ABCA7: variants seen among roughly 807,000 people sequenced by gnomAD.
ABCA7 encodes the protein ATP binding cassette subfamily A member 7, also known as phospholipid-transporting ATPase ABCA7.
ABCA7 carries 261 observed loss-of-function variants against 227.6 expected under a neutral mutation model. The observed-to-expected ratio is 1.15, with a 90% CI of 1.04 to 1.27. ABCA7 has a LOEUF of 1.27. Among genes scored for constraint, ABCA7 ranks in the 50% most tolerant of loss-of-function variants. ABCA7 has a pLI of 0.00. For missense variants in ABCA7, 3,331 were observed against 2,924.5 expected, an observed-to-expected ratio of 1.14 and a Z score of -3.21; for synonymous variants, 1,488 against 1,279.7, an observed-to-expected ratio of 1.16 and a Z score of -3.47.
Position 1,043,400 on chromosome 19 carries a change from G to C in ABCA7, c.857G>C (p.Arg286Pro), listed in dbSNP as rs370131491. ...CCGCTGTCCCGCCTGCTCTGGAGACGCCTGAAGCCTCTGATCCTCGGGAAG... is the reference window on the plus strand; with the variant it reads ...CCGCTGTCCCGCCTGCTCTGGAGACCCCTGAAGCCTCTGATCCTCGGGAAG... The part of the protein sequence containing the change: ...SHPLSRLLWR[R>P]LKPLILGKLL... The change falls in exon 9 of 47, where the codon CGC (arginine) becomes CCC (proline). Residue 286 changes from arginine (R) to proline (P), a missense_variant. Physicochemically the swap from Arg to Pro is moderately radical, Grantham distance 103. Coordinates refer to ENST00000263094, the MANE Select transcript of ABCA7 (RefSeq NM_019112.4). The C allele has an allele frequency of 1.2e-6, 2 of 1,613,204 alleles. No individual in the cohort carries two copies. The highest frequency in any genetic ancestry group is 1.7e-5 in the Admixed American group (1 of 60,008).
chr19:1,041,973 G>C lies in ABCA7; in HGVS notation c.302+1G>C. On this transcript the variant is annotated splice_donor_variant, in intron 4 of 46. Transcript: ENST00000263094. LOFTEE classifies it high-confidence loss of function. ...GCCTGAGCAACTTCAACGACTCCCTGTGAGCCAGAGGCAGTGGGTGCGGCC... is the reference window on the plus strand; with the variant it reads ...GCCTGAGCAACTTCAACGACTCCCTCTGAGCCAGAGGCAGTGGGTGCGGCC... 1 of 1,583,100 alleles carries C rather than the reference G, an allele frequency of 6.3e-7. No individual in the cohort carries two copies. The highest frequency in any genetic ancestry group is 8.5e-7 in the Non-Finnish European group (1 of 1,170,522).
At position 1,043,347 on chromosome 19, in the gene ABCA7, G is replaced by A. The variant is rs372219352; in HGVS notation, c.804G>A (p.Ser268=). 46 of 1,613,104 alleles carry A rather than the reference G, an allele frequency of 2.9e-5. No individual in the cohort carries two copies. Among genetic ancestry groups the A allele is most frequent in the African/African-American group, 2.5e-4 (19 of 75,040 alleles). ...LPDSSLSPAC[S]ELIGALDSHP... ...CCCCCATCCCAGGCCCCGCCTGCTCGGAGCTGATTGGAGCCCTGGACAGCC... is the reference window on the plus strand; with the variant it reads ...CCCCCATCCCAGGCCCCGCCTGCTCAGAGCTGATTGGAGCCCTGGACAGCC... Residue 268 remains serine, a synonymous_variant, in exon 9 of 47, where the codon TCG becomes TCA. Coordinates refer to ENST00000263094, the MANE Select transcript of ABCA7 (RefSeq NM_019112.4).
At position 1,063,680 on chromosome 19, in the gene ABCA7, T is replaced by C. The variant is rs2042837935; in HGVS notation, c.5847+2T>C. ...GGGGACCCAGCCGTGGTGTTTCTGG[T>C]GCGTGGGAGCGGTGCCTGGGTGGGG... On this transcript the variant is annotated splice_donor_variant, in intron 43 of 46. Coordinates refer to ENST00000263094, the MANE Select transcript of ABCA7 (RefSeq NM_019112.4). LOFTEE classifies it high-confidence loss of function. 6.3e-7 allele frequency: 1 copy of C among 1,593,496 alleles called. No homozygotes were observed. Among genetic ancestry groups the C allele is most frequent in the African/African-American group, 1.3e-5 (1 of 74,648 alleles).
Position 1,057,013 on chromosome 19 carries a change from G to C in ABCA7, c.4693G>C (p.Ala1565Pro), listed in dbSNP as rs1004087078. The change falls in exon 34 of 47, where the codon GCC becomes CCC. Residue 1565 changes from alanine (A) to proline (P), a missense_variant. By Grantham distance (27) the Ala-to-Pro change is conservative. Transcript: ENST00000263094. The stretch of plus-strand genomic sequence containing the variant: ...CCTCATTGAGGAGCGAGTCACCCGA[G>C]CCAAGCACCTGCAGCTCATGGGGGG... ...LVLIEERVTR[A>P]KHLQLMGGLS... 6.2e-7 allele frequency: 1 copy of C among 1,613,746 alleles called. No individual in the cohort carries two copies. The highest frequency in any genetic ancestry group is 1.3e-5 in the African/African-American group (1 of 74,932).
In ABCA7 at chr19:1,064,170, G is replaced by T. The variant is rs761734464; in HGVS notation, c.5961G>T (p.Glu1987Asp). ...SVMLTSHSME[E>D]CEALCSRLAI... ...TGCCGGGTCCCGACAGCATGGAGGAGTGTGAAGCGCTCTGCTCGCGCCTGG... is the reference window on the plus strand; with the variant it reads ...TGCCGGGTCCCGACAGCATGGAGGATTGTGAAGCGCTCTGCTCGCGCCTGG... The change falls in exon 45 of 47, where the codon GAG becomes GAT. Residue 1987 changes from glutamate to aspartate, a missense_variant. Glu to Asp is a conservative substitution (Grantham distance 45, BLOSUM62 2). Transcript: ENST00000263094. 1.3e-6 allele frequency: 2 copies of T among 1,573,092 alleles called. No homozygotes were observed. The highest frequency in any genetic ancestry group is 4.7e-5 in the East Asian group (2 of 42,398).
intron 21 of ABCA7, 53 bp from the exon 22 acceptor site, chr19:1,051,889 G>T (rs967773577): frequency 1.3e-6 from 2 of 1,587,876 alleles, no homozygotes; most frequent in East Asian, 2.2e-5. Flanking sequence ...GCCCCAGCTC[G>T]GGCAAAGACG....
chr19:1,048,051 C>T (rs560826137), intron 16 of ABCA7, among the ~76,000 whole-genome samples: 43 of 151,754 alleles, frequency 2.8e-4, no homozygotes, highest in Admixed American at 2.7e-3. Flanking sequence ...CGTGGTGGCA[C>T]GCTGGGCGTG....
intron 44 of ABCA7, 116 bp downstream of exon 44, chr19:1,063,979 G>C: frequency 1.5e-6 from 2 of 1,378,292 alleles, no homozygotes; most frequent in Non-Finnish European, 1.9e-6. Context: ...GGGCGAGGGC[G>C]CCAGGCCCCG....
Position 1,054,863 on chromosome 19 carries a change from A to G in ABCA7, c.3935A>G (p.Gln1312Arg). Residue 1312 changes from glutamine (Q) to arginine (R), a missense_variant, in exon 29 of 47, where the codon CAG becomes CGG. Transcript: ENST00000263094. The surrounding 1 kb of genome is among the most constrained non-coding windows in gnomAD (Gnocchi z 4.8). ...QEAGLEEPPV[Q>R]HSSHRFSAPE... The stretch of plus-strand genomic sequence containing the variant: ...GCAGGACTGGAGGAGCCCCCAGTGC[A>G]GCATAGCTCCCACAGGTGAGGCGTC... 1.3e-6 allele frequency: 2 copies of G among 1,560,376 alleles called. No individual in the cohort carries two copies. Among genetic ancestry groups the G allele is most frequent in the Non-Finnish European group, 8.7e-7 (1 of 1,152,774 alleles).
chr19:1,058,176 C>T lies in ABCA7; in HGVS notation c.5056C>T (p.Gln1686Ter). 2 of 1,613,854 alleles carry T rather than the reference C, an allele frequency of 1.2e-6. No individual in the cohort carries two copies. Among genetic ancestry groups the T allele is most frequent in the South Asian group, 1.1e-5 (1 of 91,074 alleles). ...GCAGGAGGTGAGCCGGATCTTGAAA[C>T]AGGTCTTCCTTATCTTCCCCCACTT... The part of the protein sequence containing the change: ...KLQEVSRILK[Q>*]VFLIFPHFCL... The change falls in exon 37 of 47, where the codon CAG (glutamine) becomes TAG (stop). Residue 1686 changes from glutamine (Q) to a stop codon, truncating the protein, a stop_gained. Transcript: ENST00000263094. LOFTEE classifies it high-confidence loss of function.
Position 1,056,439 on chromosome 19 carries a change from G to A in ABCA7, c.4526G>A (p.Ser1509Asn). The change falls in exon 33 of 47, where the codon AGC becomes AAC. Residue 1509 changes from serine to asparagine, a missense_variant. Transcript: ENST00000263094. This position sits in a 1 kb window ranked among gnomAD's most constrained non-coding sequence, Gnocchi z 4.3. ...LPPGPARHAH[S>N]ITTLNHPLNL... ...CCAGGCCCGGCCCGCCACGCCCACA[G>A]CATCACCACACTCAACCACCCCTTG... 1.9e-6 allele frequency: 3 copies of A among 1,613,616 alleles called. No homozygotes were observed. Among genetic ancestry groups the A allele is most frequent in the South Asian group, 2.2e-5 (2 of 91,078 alleles).
intron 9 of ABCA7, 86 bp from the exon 10 acceptor site, chr19:1,043,639 C>G: frequency 1.3e-6 from 2 of 1,522,756 alleles, no homozygotes; most frequent in Non-Finnish European, 1.8e-6. Context: ...CAGAGGCACA[C>G]GCAGGAGCAA....
At position 1,047,496 on chromosome 19, in the gene ABCA7, T is replaced by C. The variant is rs1281289623; in HGVS notation, c.2111T>C (p.Leu704Pro). Residue 704 changes from leucine (L) to proline (P), a missense_variant, in exon 16 of 47, where the codon CTG (leucine) becomes CCG (proline). By Grantham distance (98) the Leu-to-Pro change is moderately conservative. Coordinates refer to ENST00000263094, the MANE Select transcript of ABCA7 (RefSeq NM_019112.4). The stretch of plus-strand genomic sequence containing the variant: ...GCCTTCGGCTTCGGCTGCGAGAGCC[T>C]GGCTCTGCTGGAGGAGCAGGGCGAG... Reference protein sequence around the residue: ...PVAFGFGCESLALLEEQGEGA... With the variant: ...PVAFGFGCESPALLEEQGEGA... 2.5e-6 allele frequency: 4 copies of C among 1,578,456 alleles called. No individual in the cohort carries two copies. Among genetic ancestry groups the C allele is most frequent in the South Asian group, 2.3e-5 (2 of 88,424 alleles).
chr19:1,045,476 G>A (rs1374225541), intron 12 of ABCA7: 2 of 529,882 alleles, frequency 3.8e-6, no homozygotes, highest in Admixed American at 6.8e-5. Flanking sequence ...ATAGGTTGAG[G>A]GCAATGGTGG....
At position 1,064,822 on chromosome 19, in the gene ABCA7, G is replaced by C. The variant is rs371040630; in HGVS notation, c.6045-109G>C. On this transcript the variant is annotated intron_variant, in intron 45 of 46. Transcript: ENST00000263094. ...AGACGGGAGGACCACTTGATCGCTA[G>C]GGTAGTACAAGTATGGGGCGGGGCC... 5.8e-4 allele frequency: 822 copies of C among 1,426,886 alleles called. 2 individuals carry two copies. In the African/African-American group the frequency reaches 0.011, roughly 18 times the overall value. The allele number at this position is 1,426,886 out of a possible 1,614,324, so 88.4% of individuals were successfully genotyped here.
In ABCA7 at chr19:1,043,355, T is replaced by C. The variant is rs903764030; in HGVS notation, c.812T>C (p.Ile271Thr). Residue 271 changes from isoleucine to threonine, a missense_variant, in exon 9 of 47, where the codon ATT becomes ACT. Ile to Thr is a moderately conservative substitution (Grantham distance 89). Coordinates refer to ENST00000263094, the MANE Select transcript of ABCA7 (RefSeq NM_019112.4). ...SSLSPACSEL[I>T]GALDSHPLSR... ...CCAGGCCCCGCCTGCTCGGAGCTGA[T>C]TGGAGCCCTGGACAGCCACCCGCTG... 4 of 1,612,788 alleles carry C rather than the reference T, an allele frequency of 2.5e-6. No homozygotes were observed. The South Asian group carries it at 3.3e-5, about 13-fold the overall frequency.
rs2144983492 is a variant in ABCA7, at chr19:1,065,117, C to A, written c.6231C>A (p.His2077Gln). Residue 2077 changes from histidine to glutamine, a missense_variant, in exon 46 of 47, where the codon CAC becomes CAA. By Grantham distance (24) the His-to-Gln change is conservative. Transcript: ENST00000263094. Reference protein sequence around the residue: ...LARVFGELAVHGAEHGVEDFS... With the variant: ...LARVFGELAVQGAEHGVEDFS... The stretch of plus-strand genomic sequence containing the variant: ...GCGTCTTTGGAGAGCTGGCGGTGCA[C>A]GGCGCAGAGCACGGCGTGGAGGACT... 3 of 1,585,580 alleles carry A rather than the reference C, an allele frequency of 1.9e-6. No homozygotes were observed. The highest frequency in any genetic ancestry group is 2.7e-5 in the African/African-American group (2 of 74,268).
chr19:1,050,986 G>A lies in ABCA7; in HGVS notation c.2618G>A (p.Arg873His), dbSNP rs568769264. 5.5e-5 allele frequency: 88 copies of A among 1,612,258 alleles called. No individual in the cohort carries two copies. The highest frequency in any genetic ancestry group is 3.3e-4 in the Middle Eastern group (2 of 6,058). The change falls in exon 19 of 47, where the codon CGC (arginine) becomes CAC (histidine). Residue 873 changes from arginine to histidine, a missense_variant. Coordinates refer to ENST00000263094, the MANE Select transcript of ABCA7 (RefSeq NM_019112.4). Reference protein sequence around the residue: ...GSAFILGHDVRSSMAAIRPHL... With the variant: ...GSAFILGHDVHSSMAAIRPHL... ...GCCTTCATCCTGGGCCACGACGTCC[G>A]CTCCAGCATGGCCGCCATCCGGCCC...
At chr19:1,053,964 C>T (rs763261997) in intron 25 of ABCA7, 42 bp from the exon 26 acceptor site, 48 of 1,609,798 alleles carry the variant, frequency 3.0e-5, no homozygotes, top group Middle Eastern at 1.7e-4. Context: ...TCCCCCAATC[C>T]GTGACCCTCA....
Sources: gnomAD v4.1 joint callset for allele counts (sites outside exome capture counted in the v4.1 genomes callset) on GRCh38, gnomAD v4.1.1 for gene constraint, Gnocchi (gnomAD v3.1) non-coding constraint, MANE v1.5 for transcripts, NCBI Gene and HGNC (gene_info 2026-07-23, HGNC 2026-07-21) for gene names.